Variants in ADGRL3 observed in about 807,000 individuals in gnomAD.
ADGRL3 encodes the protein adhesion G protein-coupled receptor L3.
ADGRL3 carries 62 observed loss-of-function variants against 153.5 expected under a neutral mutation model. The ratio of observed to expected loss-of-function variants is 0.40; its 90% CI spans 0.33 to 0.50. ADGRL3 has a LOEUF of 0.50. Ranked by LOEUF, ADGRL3 falls within the 20% of genes least tolerant of loss-of-function variation. The pLI, the probability that ADGRL3 is intolerant of heterozygous loss-of-function variation, is 0.47. For missense variants in ADGRL3, 1,641 were observed against 1,859.4 expected, an observed-to-expected ratio of 0.88 and a Z score of 2.16; for synonymous variants, 710 against 672.5, an observed-to-expected ratio of 1.06 and a Z score of -0.86.
chr4:62,047,844 T>C (rs149503372), intron 25 of ADGRL3, among the ~76,000 whole-genome samples: 2 of 152,104 alleles, frequency 1.3e-5, no homozygotes, highest in African/African-American at 4.8e-5. Flanking sequence ...TTGAGGCCAA[T>C]AGGCCAGCAC....
At chr4:61,402,713 C>A (rs571602748) in intron 2 of ADGRL3, among the ~76,000 whole-genome samples, 2 of 152,110 alleles carry the variant, frequency 1.3e-5, no homozygotes, top group South Asian at 4.2e-4. Flanking sequence ...TTCTTCCCTC[C>A]AGCAGAGTGA....
intron 2 of ADGRL3, among the ~76,000 whole-genome samples, chr4:61,398,510 G>A (rs2096893600): frequency 6.6e-6 from 1 of 151,568 alleles, no homozygotes; most frequent in African/African-American, 2.4e-5. Context: ...GACCTGATTA[G>A]CAAGTTTAAT....
At chr4:61,245,009 G>A (rs1044713588) in intron 1 of ADGRL3, among the ~76,000 whole-genome samples, 1 of 152,040 alleles carries the variant, frequency 6.6e-6, no homozygotes, top group Non-Finnish European at 1.5e-5. Context: ...TTACTCTTCT[G>A]GAGATACTGG....
intron 5 of ADGRL3, among the ~76,000 whole-genome samples, chr4:61,641,273 T>C (rs574548587): frequency 6.6e-6 from 1 of 152,150 alleles, no homozygotes; most frequent in South Asian, 2.1e-4. Context: ...TCCTATTTTT[T>C]TTTCGTTTTA....
At chr4:61,857,587 T>C (rs2098289435) in intron 9 of ADGRL3, among the ~76,000 whole-genome samples, 1 of 151,878 alleles carries the variant, frequency 6.6e-6, no homozygotes, top group Admixed American at 6.6e-5. Flanking sequence ...TTATAGATTA[T>C]ACACAGCCGA....
rs369399076 is a variant in ADGRL3, at chr4:61,759,625, T to C, written c.1399+26071T>C. On this transcript the variant is annotated intron_variant, in intron 8 of 26. Transcript: ENST00000683033. ...TTTGCCATGGGTTTCAACTTCCTCCTTTAGCTCAGAGTAGTTTGATCATCT... is the reference window on the plus strand; with the variant it reads ...TTTGCCATGGGTTTCAACTTCCTCCCTTAGCTCAGAGTAGTTTGATCATCT... 3.2e-4 allele frequency among the ~76,000 whole-genome samples: 49 copies of C among 151,860 alleles called. 1 individual carries two copies. Among genetic ancestry groups the C allele is most frequent in the African/African-American group, 1.2e-3 (48 of 41,186 alleles).
At position 62,044,651 on chromosome 4, in the gene ADGRL3, T is replaced by G. The variant is rs957617347; in HGVS notation, c.3814+102T>G. ...CAACTTCTGAACCTGTTCCACATGA[T>G]AGAAACATTGTAAGAACATAAAACT... is the stretch of plus-strand genomic sequence containing the variant. On this transcript the variant is annotated intron_variant, in intron 25 of 26. Coordinates refer to ENST00000683033, the MANE Select transcript of ADGRL3 (RefSeq NM_001387552.1). The G allele has an allele frequency of 4.3e-6, 3 of 690,528 alleles. No individual in the cohort carries two copies. In the Admixed American group the frequency reaches 8.2e-5, roughly 19 times the overall value. The allele number at this position is 690,528 out of a possible 1,614,324, so 42.8% of individuals were successfully genotyped here.
intron 5 of ADGRL3, among the ~76,000 whole-genome samples, chr4:61,630,430 C>A (rs1253166098): frequency 1.3e-5 from 2 of 152,140 alleles, no homozygotes; most frequent in African/African-American, 4.8e-5. Context: ...TGTTAGCTGA[C>A]TTCATGTTGT....
chr4:61,960,035 A>G (rs1336287555), intron 17 of ADGRL3, among the ~76,000 whole-genome samples: 1 of 152,204 alleles, frequency 6.6e-6, no homozygotes, highest in Non-Finnish European at 1.5e-5. Flanking sequence ...AAAATATAGA[A>G]AATTTCTTGA....
chr4:61,791,687 C>T (rs774076218), intron 8 of ADGRL3, among the ~76,000 whole-genome samples: 1 of 152,220 alleles, frequency 6.6e-6, no homozygotes, highest in African/African-American at 2.4e-5. Context: ...TCCATGTGGG[C>T]CACACCCCTG....
intron 2 of ADGRL3, among the ~76,000 whole-genome samples, chr4:61,405,869 A>G (rs1347577650): frequency 5.9e-5 from 9 of 151,978 alleles, no homozygotes. Flanking sequence ...TGTATAATTC[A>G]ACATCTGGTT....
In ADGRL3 at chr4:61,984,129, T is replaced by C. The variant is rs117137501; in HGVS notation, c.3236+526T>C. On this transcript the variant is annotated intron_variant, in intron 19 of 26. Transcript: ENST00000683033. ...AACATAGCTTTAAACTGTTAAGACA[T>C]ATGTGTCGAGATGTGAAGCATATTA... Among the ~76,000 whole-genome samples the C allele has an allele frequency of 6.1e-3, 925 of 152,254 alleles. 27 individuals are homozygous for C. The South Asian group carries it at 0.061, about 10-fold the overall frequency.
chr4:61,515,687 G>A (rs1235918971), intron 3 of ADGRL3, among the ~76,000 whole-genome samples: 1 of 152,072 alleles, frequency 6.6e-6, no homozygotes, highest in Admixed American at 6.5e-5. Context: ...CATAACAGAG[G>A]CTTATAGGAT....
intron 1 of ADGRL3, among the ~76,000 whole-genome samples, chr4:61,316,288 G>A (rs1031797533): frequency 1.3e-5 from 2 of 152,120 alleles, no homozygotes; most frequent in African/African-American, 4.8e-5. Flanking sequence ...TTATTTCAGG[G>A]GTAGGAAAGA....
intron 6 of ADGRL3, among the ~76,000 whole-genome samples, chr4:61,691,163 T>A (rs2095533273): frequency 6.6e-6 from 1 of 152,220 alleles, no homozygotes; most frequent in Non-Finnish European, 1.5e-5. Context: ...TGATTAGCAC[T>A]GATTCTAACA....
chr4:61,589,441 G>A (rs1348136985), intron 5 of ADGRL3, among the ~76,000 whole-genome samples: 2 of 152,064 alleles, frequency 1.3e-5, no homozygotes, highest in South Asian at 2.1e-4. Context: ...ACCACAGCAT[G>A]TTAAATAATG....
intron 21 of ADGRL3, among the ~76,000 whole-genome samples, chr4:62,013,859 G>A (rs996892157): frequency 2.0e-5 from 3 of 151,782 alleles, no homozygotes; most frequent in African/African-American, 7.3e-5. Flanking sequence ...CTGCACTTCA[G>A]CCTGGTGACA....
At chr4:61,844,868 C>T (rs1256927675) in intron 9 of ADGRL3, among the ~76,000 whole-genome samples, 1 of 151,880 alleles carries the variant, frequency 6.6e-6, no homozygotes, top group Non-Finnish European at 1.5e-5. Context: ...GTATTTATGT[C>T]TCTCTAACAC....
chr4:61,862,102 G>A (rs1283505087), intron 9 of ADGRL3, among the ~76,000 whole-genome samples: 1 of 152,184 alleles, frequency 6.6e-6, no homozygotes, highest in African/African-American at 2.4e-5. Context: ...TAGAAGAAAG[G>A]AATTAGACTA....
Sources: gnomAD v4.1 joint callset for allele counts (sites outside exome capture counted in the v4.1 genomes callset) on GRCh38, gnomAD v4.1.1 for gene constraint, MANE v1.5 for transcripts, NCBI Gene and HGNC (gene_info 2026-07-23, HGNC 2026-07-21) for gene names.